Variants in LRIG1 observed in about 807,000 individuals in gnomAD.
The protein encoded by LRIG1 is leucine-rich repeats and immunoglobulin-like domains protein 1.
Under a neutral mutation model 99.2 loss-of-function variants are expected in LRIG1, and 48 were observed. That is an observed-to-expected ratio of 0.48 (90% confidence interval 0.38 to 0.62). The LOEUF is 0.62. Ranked by LOEUF, LRIG1 falls within the 20% of genes least tolerant of loss-of-function variation. The probability of loss-of-function intolerance (pLI) is 0.00; values close to 1 mark genes in which losing one functional copy is unlikely to be tolerated. For missense variants in LRIG1, 1,646 were observed against 1,434.4 expected (o/e 1.15, Z -2.38); for synonymous variants, 772 against 596.1 (o/e 1.29, Z -4.30).
At chr3:66,385,443 G>GACTT (rs529582362) in intron 13 of LRIG1, among the ~76,000 whole-genome samples, 59 of 140,008 alleles carry the variant, frequency 4.2e-4, no homozygotes, top group African/African-American at 1.5e-3. Flanking sequence ...TCCACAATTT[G>GACTT]ACTTAATAAC....
intron 1 of LRIG1, among the ~76,000 whole-genome samples, chr3:66,488,464 T>TAA (rs1223885188): frequency 1.5e-4 from 15 of 101,466 alleles, no homozygotes; most frequent in South Asian, 6.5e-4. Flanking sequence ...CTGTCTCTAC[T>TAA]AAAAAAAAAC....
At chr3:66,400,066 G>A (rs1374979596) in intron 9 of LRIG1, among the ~76,000 whole-genome samples, 1 of 152,240 alleles carries the variant, frequency 6.6e-6, no homozygotes, top group Non-Finnish European at 1.5e-5. Flanking sequence ...GTTATCGCTA[G>A]TGCCTGTCCC....
chr3:66,448,984 G>C (rs1053198342), intron 3 of LRIG1, among the ~76,000 whole-genome samples: 1 of 152,194 alleles, frequency 6.6e-6, no homozygotes, highest in African/African-American at 2.4e-5. Context: ...CGAAAAGTAA[G>C]AGACACATCA....
At chr3:66,406,339 C>T (rs755199346) in intron 8 of LRIG1, 52 of 985,484 alleles carry the variant, frequency 5.3e-5, no homozygotes, top group Non-Finnish European at 5.5e-5. Context: ...CTGCTCCTAG[C>T]CCTGGCTGCC....
chr3:66,449,101 G>A (rs1703816353), intron 3 of LRIG1, among the ~76,000 whole-genome samples: 1 of 152,202 alleles, frequency 6.6e-6, no homozygotes, highest in Non-Finnish European at 1.5e-5. Flanking sequence ...TCTTTGGGCT[G>A]TAAAATGATG....
intron 9 of LRIG1, chr3:66,401,542 T>A: frequency 8.7e-7 from 1 of 1,149,680 alleles, no homozygotes; most frequent in Non-Finnish European, 1.2e-6. Context: ...AGCAATAAAA[T>A]AAATTCTCAA....
intron 2 of LRIG1, among the ~76,000 whole-genome samples, chr3:66,461,498 T>C (rs1000248958): frequency 1.3e-5 from 2 of 152,216 alleles, no homozygotes; most frequent in African/African-American, 4.8e-5. Flanking sequence ...ACTTTTAATT[T>C]ACATGATAAA....
chr3:66,380,321 A>T lies in LRIG1; in HGVS notation c.3224T>A (p.Leu1075Gln), dbSNP rs1178884503. 1 of 1,614,194 alleles carries T rather than the reference A, an allele frequency of 6.2e-7. No individual in the cohort carries two copies. The highest frequency in any genetic ancestry group is 8.5e-7 in the Non-Finnish European group (1 of 1,180,024). The change falls in exon 19 of 19, where the codon CTG becomes CAG. Residue 1075 changes from leucine (L) to glutamine (Q), a missense_variant. Leu to Gln is a moderately radical substitution (Grantham distance 113). Transcript: ENST00000273261. ...ACDASPESTP[L>Q]TGQLPGKQRV... ...CTGTTTCCCGGGGAGCTGTCCTGTC[A>T]GTGGCGTGGACTCGGGACTGGCGTC...
At chr3:66,431,212 T>A (rs1703161894) in intron 3 of LRIG1, among the ~76,000 whole-genome samples, 1 of 152,144 alleles carries the variant, frequency 6.6e-6, no homozygotes, top group East Asian at 1.9e-4. Context: ...GGCACATGTG[T>A]CCCTGCCTGT....
At chr3:66,441,018 C>T (rs973407656) in intron 3 of LRIG1, among the ~76,000 whole-genome samples, 2 of 152,148 alleles carry the variant, frequency 1.3e-5, no homozygotes, top group Admixed American at 6.5e-5. Context: ...CCTACCGCTA[C>T]GTGGAAAAGG....
chr3:66,500,660 T>G lies in LRIG1; in HGVS notation c.-253A>C. 10 of 272,948 alleles carry G rather than the reference T, an allele frequency of 3.7e-5. No individual in the cohort carries two copies. Among genetic ancestry groups the G allele is most frequent in the East Asian group, 6.3e-5 (1 of 15,754 alleles). 16.9% of individuals were successfully genotyped at this position (272,948 alleles called of 1,614,324 possible). On this transcript the variant is annotated 5_prime_UTR_variant, in exon 1 of 19. Transcript: ENST00000273261. ...GGCCGGCCGGCCCGCCCGCGCTAGC[T>G]GCGAACTCCGCCGATTCGGGCAAGG... is the stretch of plus-strand genomic sequence containing the variant.
intron 16 of LRIG1, 83 bp from the exon 17 acceptor site, chr3:66,381,714 T>A: frequency 1.4e-6 from 2 of 1,456,944 alleles, no homozygotes; most frequent in Non-Finnish European, 9.4e-7. Flanking sequence ...GCAAGGCCGC[T>A]AGAACAGTCA....
intron 1 of LRIG1, among the ~76,000 whole-genome samples, chr3:66,478,361 G>T (rs758783231): frequency 4.6e-5 from 7 of 152,174 alleles, no homozygotes; most frequent in Non-Finnish European, 1.0e-4. Context: ...ACAGGTGTGC[G>T]CAGGCAGGAG....
chr3:66,415,644 T>C (rs1702596455), intron 4 of LRIG1, among the ~76,000 whole-genome samples: 1 of 152,082 alleles, frequency 6.6e-6, no homozygotes, highest in African/African-American at 2.4e-5. Context: ...AAACAAGCAA[T>C]ATGTCATGGT....
At chr3:66,428,324 G>T (rs1703048342) in intron 3 of LRIG1, among the ~76,000 whole-genome samples, 1 of 152,134 alleles carries the variant, frequency 6.6e-6, no homozygotes, top group Non-Finnish European at 1.5e-5. Flanking sequence ...CACATTCTCA[G>T]ATGCCACTGC....
chr3:66,397,245 T>C (rs1398555127), intron 11 of LRIG1, among the ~76,000 whole-genome samples: 2 of 152,126 alleles, frequency 1.3e-5, no homozygotes, highest in East Asian at 3.9e-4. Flanking sequence ...ATGCACCTCA[T>C]TTCCCCAGTC....
chr3:66,490,658 T>C (rs1256354646), intron 1 of LRIG1, among the ~76,000 whole-genome samples: 1 of 147,330 alleles, frequency 6.8e-6, no homozygotes, highest in Non-Finnish European at 1.5e-5. Context: ...AAAAAAAAAA[T>C]GCATTGGAGC....
chr3:66,420,356 C>T lies in LRIG1; in HGVS notation c.366-3090G>A, dbSNP rs77585324. ...GTGGAGAGAGTGAAACCCTGTATGC[C>T]AGTGGTAGAAATGTAAAACGGTGGT... On this transcript the variant is annotated intron_variant, in intron 3 of 18. Coordinates refer to ENST00000273261, the MANE Select transcript of LRIG1 (RefSeq NM_015541.3). Among the ~76,000 whole-genome samples, 3 of 152,234 alleles carry T rather than the reference C, an allele frequency of 2.0e-5. No individual in the cohort carries two copies. In the East Asian group the frequency reaches 5.8e-4, roughly 29 times the overall value.
chr3:66,380,642 G>C lies in LRIG1; in HGVS notation c.2990C>G (p.Pro997Arg). Residue 997 changes from proline to arginine, a missense_variant, in exon 18 of 19, where the codon CCC (proline) becomes CGC (arginine). By Grantham distance (103) the Pro-to-Arg change is moderately radical. Coordinates refer to ENST00000273261, the MANE Select transcript of LRIG1 (RefSeq NM_015541.3). ...CGTCAGCATTCTATCGTGGTTACTG[G>C]GGTAGAGCGACCCTTGGCACTCGGG... Reference protein sequence around the residue: ...SCPECQGSLYPSNHDRMLTAV... With the variant: ...SCPECQGSLYRSNHDRMLTAV... 1.2e-6 allele frequency: 2 copies of C among 1,614,178 alleles called. No homozygotes were observed. The highest frequency in any genetic ancestry group is 2.2e-5 in the South Asian group (2 of 91,080).
Sources: gnomAD v4.1 joint callset for allele counts (sites outside exome capture counted in the v4.1 genomes callset) on GRCh38, gnomAD v4.1.1 for gene constraint, MANE v1.5 for transcripts, NCBI Gene and HGNC (gene_info 2026-07-23, HGNC 2026-07-21) for gene names.